The following KLRG1 variants were observed in gnomAD, a reference collection of about 807,000 sequenced individuals.
KLRG1 encodes killer cell lectin like receptor G1, also known as killer cell lectin-like receptor subfamily G member 1.
In KLRG1, 16 loss-of-function variants were observed where a neutral mutation model predicts 21.8. The observed-to-expected ratio is 0.73, with a 90% confidence interval of 0.50 to 1.11. The LOEUF (loss-of-function observed/expected upper bound fraction) is 1.11. Among genes scored for constraint, KLRG1 ranks in the 50% most tolerant of loss-of-function variants. KLRG1 has a pLI of 0.00. For synonymous variants in KLRG1, 69 were observed against 75.9 expected (o/e 0.91, Z 0.47); for missense variants, 173 against 218.3 (o/e 0.79, Z 1.31).
the KLRG1 span, among the ~76,000 whole-genome samples, chr12:9,198,352 A>G: frequency 6.6e-6 from 1 of 152,112 alleles, no homozygotes; most frequent in Non-Finnish European, 1.5e-5. Flanking sequence ...TCTACTAAAA[A>G]AATGTTTCTT....
intron 1 of KLRG1, among the ~76,000 whole-genome samples, chr12:8,957,355 C>T (rs1027526958): frequency 1.2e-4 from 18 of 152,192 alleles, no homozygotes; most frequent in Admixed American, 3.9e-4. Flanking sequence ...TCTGTCTTAA[C>T]GAAGCACTTA....
the KLRG1 span, among the ~76,000 whole-genome samples, chr12:9,018,414 G>T: frequency 6.5e-4 from 99 of 152,176 alleles, no homozygotes; most frequent in African/African-American, 2.3e-3. Flanking sequence ...CATGGCACTG[G>T]CATTAAAAAC....
the KLRG1 span, among the ~76,000 whole-genome samples, chr12:9,178,133 G>A: frequency 4.6e-5 from 7 of 152,250 alleles, no homozygotes; most frequent in South Asian, 8.3e-4. Flanking sequence ...CCCAATCTGC[G>A]GTTTTGGTTT....
At chr12:9,049,072 G>A in the KLRG1 span, among the ~76,000 whole-genome samples, 1 of 152,206 alleles carries the variant, frequency 6.6e-6, no homozygotes, top group Non-Finnish European at 1.5e-5. Flanking sequence ...CTTTCCCCAG[G>A]CTAAAATGAT....
At chr12:9,176,580 T>G in the KLRG1 span, among the ~76,000 whole-genome samples, 1 of 152,208 alleles carries the variant, frequency 6.6e-6, no homozygotes, top group Non-Finnish European at 1.5e-5. Context: ...GTCTATGCAG[T>G]GTACTTTTTA....
the KLRG1 span, among the ~76,000 whole-genome samples, chr12:9,190,074 A>G: frequency 6.6e-6 from 1 of 152,194 alleles, no homozygotes; most frequent in African/African-American, 2.4e-5. Context: ...CATTATGGAA[A>G]GCAGTGTGGC....
the KLRG1 span, among the ~76,000 whole-genome samples, chr12:9,186,964 C>G: frequency 6.7e-6 from 1 of 149,854 alleles, no homozygotes; most frequent in Non-Finnish European, 1.5e-5. Context: ...CAAACCTGCA[C>G]GTTCTGCCCA....
the KLRG1 span, among the ~76,000 whole-genome samples, chr12:9,197,465 T>A: frequency 3.8e-5 from 5 of 130,816 alleles, no homozygotes; most frequent in Non-Finnish European, 7.7e-5. Flanking sequence ...TATATAATAA[T>A]ATAATATATA....
intron 1 of KLRG1, among the ~76,000 whole-genome samples, chr12:8,983,409 T>C (rs1209055247): frequency 1.4e-5 from 2 of 145,618 alleles, no homozygotes; most frequent in Non-Finnish European, 3.0e-5. Context: ...TTTTTTTTTT[T>C]TTTTTTTTGA....
chr12:9,011,149 G>T (rs933405117), downstream of KLRG1, among the ~76,000 whole-genome samples: 3 of 152,184 alleles, frequency 2.0e-5, no homozygotes, highest in Non-Finnish European at 4.4e-5. Flanking sequence ...CATCTGAGCA[G>T]GCAGGATGTG....
At chr12:9,166,259 A>C in the KLRG1 span, 1 of 1,559,672 alleles carries the variant, frequency 6.4e-7, no homozygotes, top group South Asian at 1.2e-5. Flanking sequence ...TTCATGGTGC[A>C]CATGTGAGAC....
At chr12:8,993,064 G>T in intron 2 of KLRG1, among the ~76,000 whole-genome samples, 1 of 141,606 alleles carries the variant, frequency 7.1e-6, no homozygotes, top group Non-Finnish European at 1.5e-5. Context: ...ATATCATAAT[G>T]TAATGAAACA....
At chr12:9,029,055 T>G in the KLRG1 span, 53 of 538,062 alleles carry the variant, frequency 9.9e-5, no homozygotes, top group Non-Finnish European at 1.7e-4. Flanking sequence ...CTTCCTCCGC[T>G]GGTCAGGCTC....
At chr12:9,024,018 A>ATT in the KLRG1 span, among the ~76,000 whole-genome samples, 3,457 of 70,928 alleles carry the variant, frequency 0.049, 929 homozygotes, top group African/African-American at 0.14. Flanking sequence ...GAACACATGG[A>ATT]TTTTTTTTTT....
At chr12:9,209,254 A>G in the KLRG1 span, among the ~76,000 whole-genome samples, 55,850 of 151,850 alleles carry the variant, frequency 0.37, 10,338 homozygotes, top group East Asian at 0.45. Flanking sequence ...GAAACTTTTT[A>G]AATCAACTTT....
At chr12:8,961,631 G>T (rs535862792) in intron 1 of KLRG1, among the ~76,000 whole-genome samples, 5 of 151,766 alleles carry the variant, frequency 3.3e-5, no homozygotes, top group Non-Finnish European at 7.4e-5. Context: ...ATGTTGGCCA[G>T]CCTGGTCTTG....
At chr12:8,972,252 G>A (rs1246816071) in intron 1 of KLRG1, among the ~76,000 whole-genome samples, 1 of 152,116 alleles carries the variant, frequency 6.6e-6, no homozygotes, top group Admixed American at 6.5e-5. Context: ...CCACCTCCTG[G>A]GTTCACACCA....
chr12:9,169,480 T>C, the KLRG1 span: 1 of 1,612,554 alleles, frequency 6.2e-7, no homozygotes, highest in East Asian at 2.2e-5. Flanking sequence ...GGAACATAGA[T>C]GGCTCCATTA....
the KLRG1 span, among the ~76,000 whole-genome samples, chr12:9,082,100 A>G: frequency 2.0e-5 from 3 of 152,176 alleles, no homozygotes; most frequent in African/African-American, 7.2e-5. Flanking sequence ...TAGGGGTTAA[A>G]TATGCTTGAC....
Sources: gnomAD v4.1 joint callset for allele counts (sites outside exome capture counted in the v4.1 genomes callset) on GRCh38, gnomAD v4.1.1 for gene constraint, MANE v1.5 for transcripts, NCBI Gene and HGNC (gene_info 2026-07-23, HGNC 2026-07-21) for gene names.